GRM8: variants seen among roughly 807,000 people sequenced by gnomAD.
GRM8 encodes the protein metabotropic glutamate receptor 8.
GRM8 carries 47 observed loss-of-function variants against 87.2 expected under a neutral mutation model. That is an observed-to-expected ratio of 0.54 (90% CI 0.43 to 0.69). The LOEUF is 0.69. Among genes scored for constraint, GRM8 ranks in the 30% least tolerant of loss-of-function variants. GRM8 has a pLI of 0.00. For missense variants in GRM8, 1,019 were observed against 1,139.2 expected (o/e 0.89, Z 1.52); for synonymous variants, 396 against 404.5 (o/e 0.98, Z 0.25).
At chr7:126,478,885 C>A (rs1398619460) in intron 9 of GRM8, among the ~76,000 whole-genome samples, 1 of 151,990 alleles carries the variant, frequency 6.6e-6, no homozygotes, top group African/African-American at 2.4e-5. Context: ...TATGAAGAAT[C>A]AATACTGCCC....
In GRM8 at chr7:126,788,420, A is replaced by AAAAAAAAAAAAAAACAAAACAAAAAAC; in HGVS notation, c.1157-18356_1157-18355insGTTTTTTGTTTTGTTTTTTTTTTTTTT. Among the ~76,000 whole-genome samples the AAAAAAAAAAAAAAACAAAACAAAAAAC allele has an allele frequency of 4.9e-5, 4 of 81,132 alleles. 1 individual carries two copies. The highest frequency in any genetic ancestry group is 1.8e-4 in the African/African-American group (4 of 21,822). The allele number at this position is 81,132 out of a possible 152,430, so 53.2% of individuals were successfully genotyped here. ...GCAAGACTCCATCTCAAAAAAAAAAAAAACCCTTTCAGATATCTTTAACAT... is the reference window on the plus strand; with the variant it reads ...GCAAGACTCCATCTCAAAAAAAAAAAAAAAAAAAAAAAAACAAAACAAAAAACAAACCCTTTCAGATATCTTTAACAT... On this transcript the variant is annotated intron_variant, in intron 6 of 10. Transcript: ENST00000339582.
rs527249786 is a variant in GRM8, at chr7:126,630,133, T to TTA, written c.1358-20636_1358-20635insTA. ...ATTAAAAAGTTAACACAACACCAAA[T>TTA]AAGAAAAAAACAATAGCCTCCAAAG... On this transcript the variant is annotated intron_variant, in intron 7 of 10. Transcript: ENST00000339582. Among the ~76,000 whole-genome samples the TTA allele has an allele frequency of 5.3e-5, 8 of 150,514 alleles. No homozygotes were observed. The South Asian group carries it at 1.7e-3, about 31-fold the overall frequency.
chr7:127,010,724 C>T lies in GRM8; in HGVS notation c.727+95772G>A, dbSNP rs187886254. 2.0e-5 allele frequency among the ~76,000 whole-genome samples: 3 copies of T among 152,178 alleles called. No individual in the cohort carries two copies. The East Asian group carries it at 5.8e-4, about 29-fold the overall frequency. On this transcript the variant is annotated intron_variant, in intron 3 of 10. Transcript: ENST00000339582. The stretch of plus-strand genomic sequence containing the variant: ...TCCTTAGTGAAAAAATTCTGTAATT[C>T]AGAAACTTCATTGAACAAATGCTTA...
At chr7:127,098,250 G>T (rs1468206092) in intron 3 of GRM8, among the ~76,000 whole-genome samples, 2 of 152,120 alleles carry the variant, frequency 1.3e-5, no homozygotes, top group Non-Finnish European at 2.9e-5. Flanking sequence ...GAATTAAATT[G>T]TTTCCTTTCA....
intron 9 of GRM8, among the ~76,000 whole-genome samples, chr7:126,524,036 G>T (rs1327425657): frequency 6.6e-6 from 1 of 151,980 alleles, no homozygotes; most frequent in African/African-American, 2.4e-5. Context: ...ATTCATTCAG[G>T]TAGCATAACT....
At chr7:126,644,850 T>C (rs1278739552) in intron 7 of GRM8, among the ~76,000 whole-genome samples, 3 of 152,346 alleles carry the variant, frequency 2.0e-5, no homozygotes, top group Admixed American at 6.5e-5. Flanking sequence ...AATTATTCTC[T>C]GTGAGGATAC....
chr7:127,160,784 C>T (rs923579379), intron 2 of GRM8, among the ~76,000 whole-genome samples: 4 of 142,220 alleles, frequency 2.8e-5, no homozygotes, highest in African/African-American at 1.0e-4. Flanking sequence ...ATAGAGGTCA[C>T]CCCCCTCCCC....
At chr7:126,933,904 G>C (rs1462428856) in intron 3 of GRM8, among the ~76,000 whole-genome samples, 1 of 152,156 alleles carries the variant, frequency 6.6e-6, no homozygotes, top group Non-Finnish European at 1.5e-5. Flanking sequence ...AATACATGTG[G>C]AGGGCATGAA....
intron 3 of GRM8, among the ~76,000 whole-genome samples, chr7:126,950,493 T>TTCTC (rs536467034): frequency 4.6e-5 from 7 of 151,830 alleles, no homozygotes; most frequent in Admixed American, 6.6e-5. Context: ...TTTTATCTAT[T>TTCTC]TCTCTCTCTC....
chr7:126,595,855 C>T (rs68155748), intron 8 of GRM8, among the ~76,000 whole-genome samples: 46,821 of 151,826 alleles, frequency 0.31, 8,056 homozygotes, highest in East Asian at 0.44. Context: ...ATTTATAGTC[C>T]GGCTGGTCGC....
chr7:127,019,567 T>G (rs1410578902), intron 3 of GRM8, among the ~76,000 whole-genome samples: 1 of 152,102 alleles, frequency 6.6e-6, no homozygotes, highest in African/African-American at 2.4e-5. Flanking sequence ...ACACACTGAT[T>G]TGTCATGACA....
intron 6 of GRM8, among the ~76,000 whole-genome samples, chr7:126,838,995 A>G (rs1245360048): frequency 3.3e-5 from 5 of 152,142 alleles, no homozygotes; most frequent in African/African-American, 9.7e-5. Context: ...GTAAGTTCCT[A>G]TACCTACAAA....
At chr7:126,674,546 G>T (rs549735401) in intron 7 of GRM8, among the ~76,000 whole-genome samples, 1 of 152,100 alleles carries the variant, frequency 6.6e-6, no homozygotes, top group Non-Finnish European at 1.5e-5. Flanking sequence ...ATATACTGGA[G>T]AAATAATTAG....
At chr7:126,730,426 G>A (rs1441111193) in intron 7 of GRM8, among the ~76,000 whole-genome samples, 1 of 152,166 alleles carries the variant, frequency 6.6e-6, no homozygotes, top group African/African-American at 2.4e-5. Flanking sequence ...GAATACACCA[G>A]CTGGACTGGA....
chr7:127,247,880 T>G (rs867845846), intron 1 of GRM8, among the ~76,000 whole-genome samples: 1 of 152,168 alleles, frequency 6.6e-6, no homozygotes, highest in Admixed American at 6.5e-5. Flanking sequence ...TGTTTGCAAG[T>G]TGAGTGACTT....
intron 7 of GRM8, among the ~76,000 whole-genome samples, chr7:126,761,190 T>C (rs919115335): frequency 1.3e-5 from 2 of 151,610 alleles, no homozygotes; most frequent in African/African-American, 2.4e-5. Flanking sequence ...AAAGCGAGAC[T>C]CTATCTCTTA....
At chr7:127,011,233 T>C (rs1199837618) in intron 3 of GRM8, among the ~76,000 whole-genome samples, 1 of 152,096 alleles carries the variant, frequency 6.6e-6, no homozygotes, top group Non-Finnish European at 1.5e-5. Flanking sequence ...CCTTGGCCTT[T>C]CACATATTCT....
intron 8 of GRM8, among the ~76,000 whole-genome samples, chr7:126,551,019 T>C (rs981082622): frequency 6.6e-6 from 1 of 151,650 alleles, no homozygotes; most frequent in Non-Finnish European, 1.5e-5. Context: ...TAAAATACCA[T>C]ATTTATTAAA....
chr7:126,470,362 C>T (rs1805034577), intron 9 of GRM8, among the ~76,000 whole-genome samples: 2 of 126,868 alleles, frequency 1.6e-5, no homozygotes, highest in Non-Finnish European at 3.2e-5. Flanking sequence ...CACAACAGTC[C>T]CCAGAGTGTG....
Sources: gnomAD v4.1 joint callset for allele counts (sites outside exome capture counted in the v4.1 genomes callset) on GRCh38, gnomAD v4.1.1 for gene constraint, MANE v1.5 for transcripts, NCBI Gene and HGNC (gene_info 2026-07-23, HGNC 2026-07-21) for gene names.